FRMD4A: variants seen among roughly 807,000 people sequenced by gnomAD.
The protein encoded by FRMD4A is FERM domain-containing protein 4A.
A neutral mutation model predicts 129.1 loss-of-function variants in FRMD4A; 29 were observed. That is an observed-to-expected ratio of 0.22 (90% CI 0.17 to 0.31). The LOEUF is 0.31. FRMD4A is among the 10% of genes least tolerant of loss of function. The pLI is 1.00. For synonymous variants in FRMD4A, 634 were observed against 571.6 expected, an observed-to-expected ratio of 1.11 and a Z score of -1.56; for missense variants, 1,272 against 1,375.8, an observed-to-expected ratio of 0.92 and a Z score of 1.19.
chr10:14,145,910 G>A (rs1417321812), intron 2 of FRMD4A, among the ~76,000 whole-genome samples: 1 of 152,166 alleles, frequency 6.6e-6, no homozygotes, highest in Non-Finnish European at 1.5e-5. Flanking sequence ...ATTTTGTTCT[G>A]AAATGATGAT....
At chr10:13,663,136 G>A (rs2082761504) in intron 19 of FRMD4A, among the ~76,000 whole-genome samples, 2 of 150,798 alleles carry the variant, frequency 1.3e-5, no homozygotes, top group Admixed American at 6.6e-5. Context: ...GTTGTAGTGA[G>A]CCGAGATCAT....
chr10:13,778,872 T>C lies in FRMD4A; in HGVS notation c.384+4050A>G, dbSNP rs1045108844. ...AGGCTGCATCTATCTCTTGGGTTGA[T>C]GGGTGCAGCAAACCATCATGGCACA... On this transcript the variant is annotated intron_variant, in intron 6 of 24. Transcript: ENST00000357447. 6.6e-5 allele frequency among the ~76,000 whole-genome samples: 10 copies of C among 152,306 alleles called. No homozygotes were observed. In the South Asian group the frequency reaches 1.2e-3, roughly 19 times the overall value.
At chr10:13,762,536 T>TA in intron 7 of FRMD4A, 88 bp downstream of exon 7, 1 of 767,258 alleles carries the variant, frequency 1.3e-6, no homozygotes, top group South Asian at 1.6e-5. Flanking sequence ...AGTGAGTAGA[T>TA]ACAGCTACTG....
rs545730497 is a variant in FRMD4A, at chr10:13,799,032, C to G, written c.207-2444G>C. Among the ~76,000 whole-genome samples, 52 of 152,370 alleles carry G rather than the reference C, an allele frequency of 3.4e-4. 1 individual carries two copies. The highest frequency in any genetic ancestry group is 2.6e-3 in the Admixed American group (40 of 15,304). On this transcript the variant is annotated intron_variant, in intron 4 of 24. Coordinates refer to ENST00000357447, the MANE Select transcript of FRMD4A (RefSeq NM_018027.5). ...CCAGAAAGTCTTCCCACACCACACA[C>G]CGGGTGGGATGGGGGGGTCCTCCTC...
chr10:14,185,280 T>A (rs1211472277), intron 2 of FRMD4A, among the ~76,000 whole-genome samples: 1 of 152,100 alleles, frequency 6.6e-6, no homozygotes, highest in Non-Finnish European at 1.5e-5. Flanking sequence ...TCTTGCTTCC[T>A]GAGAGATCCC....
chr10:14,023,951 A>AG (rs1832874701), intron 2 of FRMD4A, among the ~76,000 whole-genome samples: 1 of 151,472 alleles, frequency 6.6e-6, no homozygotes, highest in Non-Finnish European at 1.5e-5. Context: ...TAAAAAAAAA[A>AG]TTAGCATTTT....
chr10:13,963,458 T>G (rs938920205), intron 2 of FRMD4A, among the ~76,000 whole-genome samples: 1 of 152,142 alleles, frequency 6.6e-6, no homozygotes, highest in African/African-American at 2.4e-5. Context: ...ACTTTCCACA[T>G]GTGGAAACGT....
At chr10:14,105,802 G>C (rs939992989) in intron 2 of FRMD4A, among the ~76,000 whole-genome samples, 3 of 152,112 alleles carry the variant, frequency 2.0e-5, no homozygotes, top group Non-Finnish European at 4.4e-5. Context: ...TGGGTCATTT[G>C]CTTTTACAGT....
At chr10:14,204,423 CA>C (rs747968021) in intron 2 of FRMD4A, among the ~76,000 whole-genome samples, 2,441 of 137,920 alleles carry the variant, frequency 0.018, 28 homozygotes, top group Non-Finnish European at 0.023. Context: ...GAGACGCAGT[CA>C]AAAAAAAAAA....
At chr10:14,040,002 C>G (rs1023512157) in intron 2 of FRMD4A, among the ~76,000 whole-genome samples, 1 of 152,174 alleles carries the variant, frequency 6.6e-6, no homozygotes, top group Admixed American at 6.5e-5. Flanking sequence ...TTGCTTTGTG[C>G]TAGGCACTGT....
chr10:14,054,959 T>C lies in FRMD4A; in HGVS notation c.46-196047A>G, dbSNP rs181783619. Among the ~76,000 whole-genome samples the C allele has an allele frequency of 2.3e-3, 356 of 152,326 alleles. 4 individuals are homozygous for C. Among genetic ancestry groups the C allele is most frequent in the African/African-American group, 8.3e-3 (344 of 41,584 alleles). ...CCAGCCACATGGAACTGTGAGTCCA[T>C]TAAACCTCTCTCCTTTATAAATTAC... On this transcript the variant is annotated intron_variant, in intron 2 of 24. Transcript: ENST00000357447.
At chr10:13,779,598 C>T (rs1303259489) in intron 6 of FRMD4A, among the ~76,000 whole-genome samples, 1 of 152,206 alleles carries the variant, frequency 6.6e-6, no homozygotes, top group Non-Finnish European at 1.5e-5. Context: ...AGAAAAACAT[C>T]TGTTAATTTG....
chr10:13,701,724 C>T (rs539119017), intron 13 of FRMD4A, among the ~76,000 whole-genome samples: 43 of 152,288 alleles, frequency 2.8e-4, no homozygotes, highest in Non-Finnish European at 4.4e-4. Context: ...GGCCAAGCCT[C>T]GGCCTTGTCT....
chr10:13,750,093 A>AAAGAAAGAAATG (rs1554880577), intron 8 of FRMD4A, among the ~76,000 whole-genome samples: 31 of 80,612 alleles, frequency 3.8e-4, no homozygotes, highest in Admixed American at 1.3e-3. Flanking sequence ...AGAAAGAAAG[A>AAAGAAAGAAATG]AAGAAAGAAA....
At chr10:13,763,465 C>T (rs1308764551) in intron 6 of FRMD4A, among the ~76,000 whole-genome samples, 4 of 152,130 alleles carry the variant, frequency 2.6e-5, no homozygotes, top group Non-Finnish European at 5.9e-5. Context: ...AGTTCAGTGT[C>T]GCTAGTGACT....
At position 14,329,939 on chromosome 10, in the gene FRMD4A, G is replaced by T. The variant is rs948357215; in HGVS notation, c.45+119C>A. The stretch of plus-strand genomic sequence containing the variant: ...AGAAAGCATTTCCAAAGAGCCTGCG[G>T]GATAAAGCGGAGCAATGTTGAACAT... On this transcript the variant is annotated intron_variant, in intron 2 of 24. Coordinates refer to ENST00000357447, the MANE Select transcript of FRMD4A (RefSeq NM_018027.5). 4 of 914,712 alleles carry T rather than the reference G, an allele frequency of 4.4e-6. No homozygotes were observed. In the Admixed American group the frequency reaches 8.1e-5, roughly 19 times the overall value. 56.7% of individuals were successfully genotyped at this position (914,712 alleles called of 1,614,324 possible).
intron 2 of FRMD4A, among the ~76,000 whole-genome samples, chr10:13,901,608 C>CAAAAAAAAAA (rs35890520): frequency 8.3e-6 from 1 of 120,808 alleles, no homozygotes. Context: ...GACTTCATCT[C>CAAAAAAAAAA]AAAAAAAAAA....
chr10:14,089,654 A>C (rs1836542339), intron 2 of FRMD4A, among the ~76,000 whole-genome samples: 1 of 151,416 alleles, frequency 6.6e-6, no homozygotes, highest in Admixed American at 6.6e-5. Context: ...CAAAAAAAAA[A>C]CAGAAGAAAG....
intron 15 of FRMD4A, among the ~76,000 whole-genome samples, chr10:13,682,596 G>A (rs939669433): frequency 6.6e-5 from 10 of 150,632 alleles, no homozygotes; most frequent in African/African-American, 2.2e-4. Flanking sequence ...CACCTCCCGG[G>A]TTCAAGTGAT....
Sources: allele counts gnomAD v4.1 joint callset (sites outside exome capture counted in the v4.1 genomes callset), GRCh38; gene constraint gnomAD v4.1.1; transcripts MANE v1.5; gene names NCBI Gene and HGNC (gene_info 2026-07-23, HGNC 2026-07-21).